KCTD16: variants seen among roughly 807,000 people sequenced by gnomAD.
The protein encoded by KCTD16 is potassium channel tetramerization domain containing 16.
Under a neutral mutation model 33.2 loss-of-function variants are expected in KCTD16, and 13 were observed. The ratio of observed to expected loss-of-function variants is 0.39; its 90% CI spans 0.25 to 0.62. The LOEUF is 0.62. Among genes scored for constraint, KCTD16 ranks in the 20% least tolerant of loss-of-function variants. The probability of loss-of-function intolerance (pLI) is 0.50; values close to 1 mark genes in which losing one functional copy is unlikely to be tolerated. For synonymous variants in KCTD16, 197 were observed against 195.3 expected (o/e 1.01, Z -0.07); for missense variants, 441 against 525.1 (o/e 0.84, Z 1.57).
chr5:144,412,791 C>A (rs1752961617), intron 3 of KCTD16, among the ~76,000 whole-genome samples: 1 of 152,114 alleles, frequency 6.6e-6, no homozygotes, highest in South Asian at 2.1e-4. Flanking sequence ...GTAGCTGAGG[C>A]ACGAGAGTCG....
intron 2 of KCTD16, among the ~76,000 whole-genome samples, chr5:144,196,981 T>C (rs1363103085): frequency 6.6e-6 from 1 of 152,216 alleles, no homozygotes; most frequent in African/African-American, 2.4e-5. Flanking sequence ...ACCTCATATT[T>C]GAATTATGTA....
intron 3 of KCTD16, among the ~76,000 whole-genome samples, chr5:144,416,544 A>G (rs1014096625): frequency 6.6e-6 from 1 of 152,206 alleles, no homozygotes; most frequent in African/African-American, 2.4e-5. Context: ...GGTCCAAGTC[A>G]TTGTCCCTCC....
At chr5:144,310,525 A>G (rs555451574) in intron 3 of KCTD16, among the ~76,000 whole-genome samples, 1 of 152,156 alleles carries the variant, frequency 6.6e-6, no homozygotes, top group South Asian at 2.1e-4. Flanking sequence ...CCAACAAGGT[A>G]TGAGTTTATT....
chr5:144,226,144 C>T (rs1036887152), intron 3 of KCTD16, among the ~76,000 whole-genome samples: 1 of 152,202 alleles, frequency 6.6e-6, no homozygotes, highest in Non-Finnish European at 1.5e-5. Flanking sequence ...GAGTGCAAGT[C>T]ACCCAGCAGA....
At chr5:144,229,279 A>AG (rs1754027907) in intron 3 of KCTD16, among the ~76,000 whole-genome samples, 1 of 152,212 alleles carries the variant, frequency 6.6e-6, no homozygotes, top group African/African-American at 2.4e-5. Context: ...CATGAAGGAG[A>AG]GGGGGGACAA....
intron 3 of KCTD16, among the ~76,000 whole-genome samples, chr5:144,324,162 T>C (rs1752145426): frequency 6.6e-6 from 1 of 152,106 alleles, no homozygotes; most frequent in Non-Finnish European, 1.5e-5. Flanking sequence ...CTCAACTGCC[T>C]CCTTCCATCT....
intron 2 of KCTD16, among the ~76,000 whole-genome samples, chr5:144,180,741 C>G (rs541763826): frequency 6.2e-4 from 94 of 152,176 alleles, no homozygotes; most frequent in Non-Finnish European, 1.0e-3. Context: ...TCATGTGGTA[C>G]GGGCTTCCTC....
chr5:144,465,931 C>T (rs577004185), intron 3 of KCTD16, among the ~76,000 whole-genome samples: 4 of 152,044 alleles, frequency 2.6e-5, no homozygotes, highest in Non-Finnish European at 4.4e-5. Context: ...CTCCGCCTCC[C>T]GGGTTCAAGT....
intron 3 of KCTD16, among the ~76,000 whole-genome samples, chr5:144,352,730 G>A (rs1751474454): frequency 6.6e-6 from 1 of 152,200 alleles, no homozygotes; most frequent in South Asian, 2.1e-4. Context: ...AGATCAAAAG[G>A]TGGTGCAAAG....
At chr5:144,334,288 G>T (rs539928422) in intron 3 of KCTD16, among the ~76,000 whole-genome samples, 5 of 152,154 alleles carry the variant, frequency 3.3e-5, no homozygotes, top group Non-Finnish European at 7.3e-5. Flanking sequence ...GTGTCCTGGT[G>T]GGGTAGATAT....
intron 3 of KCTD16, among the ~76,000 whole-genome samples, chr5:144,365,105 T>C (rs573995735): frequency 6.6e-6 from 1 of 152,196 alleles, no homozygotes; most frequent in Non-Finnish European, 1.5e-5. Flanking sequence ...TGAGCTTATC[T>C]ATCCTGGAAG....
chr5:144,437,798 T>C (rs1451300965), intron 3 of KCTD16, among the ~76,000 whole-genome samples: 1 of 152,178 alleles, frequency 6.6e-6, no homozygotes, highest in Non-Finnish European at 1.5e-5. Flanking sequence ...CACACGACTT[T>C]TAATGTACCT....
intron 3 of KCTD16, among the ~76,000 whole-genome samples, chr5:144,269,216 A>G (rs1755228915): frequency 6.6e-6 from 1 of 152,084 alleles, no homozygotes; most frequent in South Asian, 2.1e-4. Context: ...AAATTTGATA[A>G]AAGACATGAA....
intron 3 of KCTD16, among the ~76,000 whole-genome samples, chr5:144,342,915 C>T (rs1036202693): frequency 6.6e-6 from 1 of 152,134 alleles, no homozygotes; most frequent in Non-Finnish European, 1.5e-5. Context: ...AGCCTTGCAT[C>T]CCAGGGATGA....
intron 3 of KCTD16, among the ~76,000 whole-genome samples, chr5:144,244,266 A>T (rs1193660754): frequency 1.3e-5 from 2 of 152,172 alleles, no homozygotes; most frequent in Non-Finnish European, 2.9e-5. Flanking sequence ...GATCTATAAG[A>T]TGCTTGATTA....
chr5:144,468,051 C>G (rs947994755), intron 3 of KCTD16, among the ~76,000 whole-genome samples: 4 of 152,138 alleles, frequency 2.6e-5, no homozygotes, highest in African/African-American at 9.7e-5. Flanking sequence ...ACTCCAAAAG[C>G]AGTTGGTTTC....
rs1754767940 is a variant in KCTD16 at position 144,484,684 on chromosome 5, C to T, written c.*10570C>T. 2 of 151,936 alleles carry T rather than the reference C, an allele frequency of 1.3e-5. No homozygotes were observed. The highest frequency in any genetic ancestry group is 3.9e-4 in the East Asian group (2 of 5,152). The allele number at this position is 151,936 out of a possible 1,614,324, so 9.4% of individuals were successfully genotyped here. ...TAGAGGATTCTGAATTTTGCTGGTA[C>T]TAATGCTGAGTGGTGACTTATTGGG... On this transcript the variant is annotated 3_prime_UTR_variant, in exon 4 of 4. Transcript: ENST00000512467.
intron 3 of KCTD16, among the ~76,000 whole-genome samples, chr5:144,452,534 G>A (rs1193060590): frequency 1.3e-5 from 2 of 151,918 alleles, no homozygotes; most frequent in African/African-American, 4.8e-5. Context: ...ACGAGAAAGA[G>A]CATTGCTAGA....
At chr5:144,299,104 A>ATATATATATATG (rs1756145156) in intron 3 of KCTD16, among the ~76,000 whole-genome samples, 2 of 8,984 alleles carry the variant, frequency 2.2e-4, no homozygotes, top group African/African-American at 7.9e-4. Flanking sequence ...ATGTATATAT[A>ATATATATATATG]TATATATATA....
Sources: gnomAD v4.1 joint callset for allele counts (sites outside exome capture counted in the v4.1 genomes callset) on GRCh38, gnomAD v4.1.1 for gene constraint, MANE v1.5 for transcripts, NCBI Gene and HGNC (gene_info 2026-07-23, HGNC 2026-07-21) for gene names.